Variants in DPH6 observed in about 807,000 individuals in gnomAD.
The protein encoded by DPH6 is diphthine--ammonia ligase.
DPH6 carries 33 observed loss-of-function variants against 38.2 expected under a neutral mutation model. The observed-to-expected ratio is 0.86, with a 90% CI of 0.65 to 1.15. The LOEUF is 1.15. DPH6 is among the 50% of genes most tolerant of loss of function. The pLI, the probability that DPH6 is intolerant of heterozygous loss-of-function variation, is 0.00. For missense variants in DPH6, 325 were observed against 320.0 expected (o/e 1.02, Z -0.12); for synonymous variants, 108 against 103.0 (o/e 1.05, Z -0.30).
At chr15:35,228,053 C>T (rs140043209) in intron 3 of DPH6, among the ~76,000 whole-genome samples, 13 of 151,854 alleles carry the variant, frequency 8.6e-5, no homozygotes, top group African/African-American at 3.1e-4. Flanking sequence ...ATGGTTTTTC[C>T]TTTAGAAAGA....
chr15:35,244,021 G>A (rs2051618763), intron 3 of DPH6, among the ~76,000 whole-genome samples: 1 of 152,132 alleles, frequency 6.6e-6, no homozygotes, highest in South Asian at 2.1e-4. Context: ...CAAGGAAAAT[G>A]GCAGTATTGG....
Position 35,321,181 on chromosome 15 carries a change from T to C in DPH6, n.200+52340A>G, listed in dbSNP as rs921901165. Among the ~76,000 whole-genome samples, 8 of 152,252 alleles carry C rather than the reference T, an allele frequency of 5.3e-5. No individual in the cohort carries two copies. The East Asian group carries it at 1.5e-3, about 29-fold the overall frequency. On this transcript the variant is annotated intron_variant and non_coding_transcript_variant, in intron 3 of 3. Coordinates refer to the DPH6 transcript ENST00000560386. ...TTTCAATAGGTTTACAAAGGCAGTT[T>C]AGCTTTGGAGAGAGCTATCATCACC...
At chr15:35,531,824 A>G (rs1245220781) in intron 3 of DPH6, among the ~76,000 whole-genome samples, 1 of 152,056 alleles carries the variant, frequency 6.6e-6, no homozygotes, top group African/African-American at 2.4e-5. Context: ...TTAATATTCA[A>G]TATTCTTTTA....
chr15:35,468,878 G>T (rs1037828202), intron 3 of DPH6, among the ~76,000 whole-genome samples: 14 of 152,134 alleles, frequency 9.2e-5, no homozygotes, highest in Non-Finnish European at 1.9e-4. Context: ...GACAAACCTG[G>T]CCAACATGGT....
At chr15:35,229,331 G>A (rs893968957) in intron 3 of DPH6, among the ~76,000 whole-genome samples, 2 of 151,444 alleles carry the variant, frequency 1.3e-5, no homozygotes, top group African/African-American at 2.4e-5. Context: ...TAAAAGACTC[G>A]GATGTATTCT....
intron 3 of DPH6, among the ~76,000 whole-genome samples, chr15:35,489,081 A>G (rs113921268): frequency 0.016 from 2,453 of 152,290 alleles, 75 homozygotes; most frequent in African/African-American, 0.057. Context: ...CCCTCTGTCA[A>G]TAACTAATTG....
chr15:35,282,293 TC>T (rs2051904293), intron 3 of DPH6, among the ~76,000 whole-genome samples: 1 of 152,162 alleles, frequency 6.6e-6, no homozygotes, highest in Non-Finnish European at 1.5e-5. Flanking sequence ...TGCCTCAGCC[TC>T]CCAAGCAGGT....
intron 5 of DPH6, among the ~76,000 whole-genome samples, chr15:35,417,714 C>A (rs2053453955): frequency 6.6e-6 from 1 of 151,980 alleles, no homozygotes; most frequent in African/African-American, 2.4e-5. Context: ...ATAATAATAT[C>A]TCAGTAAATT....
chr15:35,336,039 T>C (rs2052368929), intron 3 of DPH6, among the ~76,000 whole-genome samples: 1 of 151,952 alleles, frequency 6.6e-6, no homozygotes, highest in Non-Finnish European at 1.5e-5. Context: ...TCCATTTGTG[T>C]CCTCTGATTT....
In DPH6 at chr15:35,371,535, T is replaced by C; in HGVS notation, c.*615A>G. The C allele has an allele frequency of 1.0e-6, 1 of 959,266 alleles. No homozygotes were observed. The allele number at this position is 959,266 out of a possible 1,614,324, so 59.4% of individuals were successfully genotyped here. On this transcript the variant is annotated 3_prime_UTR_variant, in exon 9 of 9. Coordinates refer to ENST00000256538, the MANE Select transcript of DPH6 (RefSeq NM_080650.4). ...AAACTGTTCTAAAACATAAAGTCTATTTTTTGTAAAAGTTTTCTAAGGTCA... is the reference window on the plus strand; with the variant it reads ...AAACTGTTCTAAAACATAAAGTCTACTTTTTGTAAAAGTTTTCTAAGGTCA...
intron 2 of DPH6, 129 bp from the exon 3 acceptor site, chr15:35,538,596 T>C: frequency 1.4e-6 from 1 of 729,134 alleles, no homozygotes. Flanking sequence ...TATGTTTCTC[T>C]GCATTTATGT....
chr15:35,492,153 C>G lies in DPH6; in HGVS notation c.313-37333G>C, dbSNP rs141101412. Among the ~76,000 whole-genome samples, 59 of 152,212 alleles carry G rather than the reference C, an allele frequency of 3.9e-4. 1 individual carries two copies. Among genetic ancestry groups the G allele is most frequent in the South Asian group, 2.9e-3 (14 of 4,814 alleles). On this transcript the variant is annotated intron_variant, in intron 3 of 8. Transcript: ENST00000256538. ...CTGAGGGCAGGAGAAGATTTATGTT[C>G]CAGCTCCAGCAGACAGGCAGAGAGG...
intron 3 of DPH6, among the ~76,000 whole-genome samples, chr15:35,498,809 T>C (rs1406497699): frequency 1.3e-5 from 2 of 152,064 alleles, no homozygotes; most frequent in Admixed American, 6.6e-5. Context: ...AAAGTGTATA[T>C]ATAATTTTGT....
the DPH6 span, among the ~76,000 whole-genome samples, chr15:35,206,705 T>C: frequency 4.6e-4 from 70 of 152,360 alleles, no homozygotes; most frequent in Admixed American, 3.1e-3. Context: ...CACACTGATA[T>C]GATTAAATGG....
intron 7 of DPH6, among the ~76,000 whole-genome samples, chr15:35,377,421 T>C (rs1406713448): frequency 2.6e-5 from 4 of 152,144 alleles, no homozygotes; most frequent in African/African-American, 4.8e-5. Flanking sequence ...AACAGAACTA[T>C]AGAATTGTCT....
chr15:35,209,105 T>C, the DPH6 span, among the ~76,000 whole-genome samples: 814 of 152,270 alleles, frequency 5.3e-3, 8 homozygotes, highest in African/African-American at 0.019. Context: ...TGGTTACTGC[T>C]GATAGTTAGA....
At chr15:35,261,370 C>G (rs1290313401) in intron 3 of DPH6, among the ~76,000 whole-genome samples, 16 of 152,300 alleles carry the variant, frequency 1.1e-4, no homozygotes, top group Non-Finnish European at 1.5e-5. Context: ...TTGTTACTTC[C>G]TTCTTCCTTC....
At chr15:35,283,448 C>T (rs1370847597) in intron 3 of DPH6, among the ~76,000 whole-genome samples, 4 of 151,808 alleles carry the variant, frequency 2.6e-5, no homozygotes, top group Non-Finnish European at 5.9e-5. Context: ...AGGCGCCCAC[C>T]ACCATGCCCA....
rs548334481 is a variant in DPH6, at chr15:35,520,725, T to A, written c.312+17549A>T. On this transcript the variant is annotated intron_variant, in intron 3 of 8. Transcript: ENST00000256538. ...AAACATGGACATTAGCTGTGAGAAT[T>A]ATAATATGATCAAACCAAGTAGAAT... 18 of 985,022 alleles carry A rather than the reference T, an allele frequency of 1.8e-5. No homozygotes were observed. In the Admixed American group the frequency reaches 1.8e-4, roughly 10 times the overall value. 61.0% of individuals were successfully genotyped at this position (985,022 alleles called of 1,614,324 possible).
Sources: allele counts gnomAD v4.1 joint callset (sites outside exome capture counted in the v4.1 genomes callset), GRCh38; gene constraint gnomAD v4.1.1; transcripts MANE v1.5; gene names NCBI Gene and HGNC (gene_info 2026-07-23, HGNC 2026-07-21).